EYA2: variants seen among roughly 807,000 people sequenced by gnomAD.
The protein encoded by EYA2 is EYA transcriptional coactivator and phosphatase 2.
Under a neutral mutation model 69.2 loss-of-function variants are expected in EYA2, and 31 were observed. The ratio of observed to expected loss-of-function variants is 0.45; its 90% confidence interval spans 0.34 to 0.60. The LOEUF is 0.60. Ranked by LOEUF, EYA2 falls within the 20% of genes least tolerant of loss-of-function variation. The probability of loss-of-function intolerance (pLI) is 0.02; values close to 1 mark genes in which losing one functional copy is unlikely to be tolerated. For missense variants in EYA2, 622 were observed against 701.2 expected (o/e 0.89, Z 1.28); for synonymous variants, 257 against 279.4 (o/e 0.92, Z 0.80).
chr20:46,987,999 G>GATAT (rs1568707249), intron 1 of EYA2, among the ~76,000 whole-genome samples: 802 of 37,026 alleles, frequency 0.022, 62 homozygotes, highest in African/African-American at 0.029. Context: ...TATATATATG[G>GATAT]GGCAAAAAAA....
intron 1 of EYA2, among the ~76,000 whole-genome samples, chr20:46,937,315 G>A (rs1306442369): frequency 6.6e-6 from 1 of 152,180 alleles, no homozygotes; most frequent in East Asian, 1.9e-4. Flanking sequence ...CCTAAGCTGT[G>A]TGTCCTTGAG....
chr20:47,056,661 A>G (rs1159016017), intron 5 of EYA2, among the ~76,000 whole-genome samples: 1 of 152,170 alleles, frequency 6.6e-6, no homozygotes, highest in African/African-American at 2.4e-5. Flanking sequence ...TATCAGGGAA[A>G]ATCATGAGTT....
intron 9 of EYA2, among the ~76,000 whole-genome samples, chr20:47,138,526 G>A (rs2033527501): frequency 6.6e-6 from 1 of 152,078 alleles, no homozygotes; most frequent in African/African-American, 2.4e-5. Context: ...GAGGTGGGTG[G>A]ATCGCTTGAG....
rs151293363 is a variant in EYA2, at chr20:46,990,896, T to A, written c.109+777T>A. Among the ~76,000 whole-genome samples the A allele has an allele frequency of 1.9e-3, 292 of 152,328 alleles. 8 individuals carry two copies. The East Asian group carries it at 0.031, about 16-fold the overall frequency. ...TCGTGGAAAACCAAAGTGACACGTA[T>A]CTAGTGGAATATAACATCACAAGGA... is the stretch of plus-strand genomic sequence containing the variant. On this transcript the variant is annotated intron_variant, in intron 2 of 15. Transcript: ENST00000327619.
At chr20:46,957,329 G>T (rs1439565242) in intron 1 of EYA2, among the ~76,000 whole-genome samples, 1 of 152,116 alleles carries the variant, frequency 6.6e-6, no homozygotes, top group East Asian at 1.9e-4. Context: ...CTAAAAACTA[G>T]TCAATACCAG....
intron 1 of EYA2, among the ~76,000 whole-genome samples, chr20:46,909,926 T>C (rs528688828): frequency 4.8e-4 from 73 of 152,338 alleles, no homozygotes; most frequent in Admixed American, 2.2e-3. Context: ...CAAACATTCT[T>C]ACTAGGTCAG....
intron 5 of EYA2, among the ~76,000 whole-genome samples, chr20:47,039,143 T>C (rs1984897314): frequency 8.3e-6 from 1 of 121,160 alleles, no homozygotes; most frequent in African/African-American, 3.0e-5. Flanking sequence ...GCGCGCACAA[T>C]TCTATAATGT....
chr20:46,974,232 G>A (rs1415783165), intron 1 of EYA2, among the ~76,000 whole-genome samples: 9 of 152,132 alleles, frequency 5.9e-5, no homozygotes, highest in Admixed American at 6.5e-5. Context: ...CTTTCATGGT[G>A]GTCAGAGCTT....
chr20:46,914,697 C>T (rs550075043), intron 1 of EYA2, among the ~76,000 whole-genome samples: 28 of 152,270 alleles, frequency 1.8e-4, no homozygotes, highest in Admixed American at 1.7e-3. Context: ...TCCCACGACA[C>T]GTGGGGATTA....
At chr20:46,993,362 AGCCCCTG>A (rs141788463) in intron 2 of EYA2, among the ~76,000 whole-genome samples, 404 of 152,310 alleles carry the variant, frequency 2.7e-3, no homozygotes, top group African/African-American at 9.4e-3. Flanking sequence ...CCTTGGGCCC[AGCCCCTG>A]GCCCCTTTTC....
In EYA2 at chr20:47,183,485, G is replaced by A. The variant is rs191085756; in HGVS notation, c.1536+94G>A. 7.9e-5 allele frequency: 90 copies of A among 1,136,870 alleles called. 3 individuals are homozygous for A. In the South Asian group the frequency reaches 9.7e-4, roughly 12 times the overall value. The allele number at this position is 1,136,870 out of a possible 1,614,324, so 70.4% of individuals were successfully genotyped here. ...CCTTCCATGATTTCCTCCACTCCCC[G>A]TGGCTGGCTGGGTCCTCCTTCCCAG... On this transcript the variant is annotated intron_variant, in intron 15 of 15. Coordinates refer to ENST00000327619, the MANE Select transcript of EYA2 (RefSeq NM_005244.5).
chr20:46,938,025 G>A (rs567189625), intron 1 of EYA2, among the ~76,000 whole-genome samples: 12 of 152,222 alleles, frequency 7.9e-5, no homozygotes, highest in African/African-American at 1.7e-4. Context: ...TTGCACAGAC[G>A]CAGAAACTGA....
At chr20:46,943,163 C>CA (rs1354668873) in intron 1 of EYA2, among the ~76,000 whole-genome samples, 17 of 152,208 alleles carry the variant, frequency 1.1e-4, no homozygotes, top group Admixed American at 3.3e-4. Flanking sequence ...ATTTGGCTGT[C>CA]ACATCTAGAG....
At chr20:47,126,463 G>T (rs146335175) in intron 9 of EYA2, among the ~76,000 whole-genome samples, 2 of 152,154 alleles carry the variant, frequency 1.3e-5, no homozygotes, top group Admixed American at 6.5e-5. Context: ...AGGGCAGAGC[G>T]CAGATTGCAG....
intron 5 of EYA2, among the ~76,000 whole-genome samples, chr20:47,061,622 C>T (rs923399810): frequency 6.6e-6 from 1 of 152,182 alleles, no homozygotes; most frequent in Non-Finnish European, 1.5e-5. Context: ...CCAACGGCAG[C>T]CAGTCCACAA....
At chr20:47,089,432 G>A (rs1455737179) in intron 8 of EYA2, 51 bp downstream of exon 8, 6 of 1,563,794 alleles carry the variant, frequency 3.8e-6, no homozygotes, top group Non-Finnish European at 5.2e-6. Flanking sequence ...TCCATCTGAG[G>A]CCCAAACAAG....
intron 1 of EYA2, among the ~76,000 whole-genome samples, chr20:46,957,888 G>A (rs1979233082): frequency 6.6e-6 from 1 of 152,132 alleles, no homozygotes; most frequent in African/African-American, 2.4e-5. Flanking sequence ...TGAATAAAAT[G>A]TATAAGCTTC....
chr20:46,970,814 A>G (rs542010731), intron 1 of EYA2, among the ~76,000 whole-genome samples: 1 of 152,344 alleles, frequency 6.6e-6, no homozygotes, highest in African/African-American at 2.4e-5. Flanking sequence ...GGTGATATTA[A>G]GGAATTTTGT....
chr20:47,130,287 CAG>C (rs1188282561), intron 9 of EYA2, among the ~76,000 whole-genome samples: 20 of 18,954 alleles, frequency 1.1e-3, no homozygotes, highest in Non-Finnish European at 2.5e-4. Flanking sequence ...TTTTTTGAGA[CAG>C]AGTCTTGCTC....
Sources: gnomAD v4.1 joint callset for allele counts (sites outside exome capture counted in the v4.1 genomes callset) on GRCh38, gnomAD v4.1.1 for gene constraint, MANE v1.5 for transcripts, NCBI Gene and HGNC (gene_info 2026-07-23, HGNC 2026-07-21) for gene names.